Variants in PHLPP1 observed in about 807,000 individuals in gnomAD.
PHLPP1 encodes the protein PH domain leucine-rich repeat-containing protein phosphatase 1.
A neutral mutation model predicts 117.2 loss-of-function variants in PHLPP1; 42 were observed. That is an observed-to-expected ratio of 0.36 (90% CI 0.28 to 0.46). The LOEUF (loss-of-function observed/expected upper bound fraction) is 0.46. Among genes scored for constraint, PHLPP1 ranks in the 20% least tolerant of loss-of-function variants. The pLI, the probability that PHLPP1 is intolerant of heterozygous loss-of-function variation, is 1.00. For synonymous variants in PHLPP1, 1,042 were observed against 970.7 expected (o/e 1.07, Z -1.37); for missense variants, 2,084 against 2,241.9 (o/e 0.93, Z 1.42).
chr18:62,844,543 C>T (rs1286402253), intron 3 of PHLPP1, among the ~76,000 whole-genome samples: 1 of 152,140 alleles, frequency 6.6e-6, no homozygotes, highest in Non-Finnish European at 1.5e-5. Flanking sequence ...ATCTCCTGGC[C>T]AGTGGGCTAT....
intron 4 of PHLPP1, among the ~76,000 whole-genome samples, chr18:62,875,869 A>C (rs1277570458): frequency 6.6e-6 from 1 of 151,910 alleles, no homozygotes; most frequent in African/African-American, 2.4e-5. Context: ...AGTAGCTGGG[A>C]TTACAGGTGC....
chr18:62,864,037 T>C (rs1915704177), intron 4 of PHLPP1, among the ~76,000 whole-genome samples: 1 of 152,154 alleles, frequency 6.6e-6, no homozygotes, highest in African/African-American at 2.4e-5. Context: ...ATTTATTTTT[T>C]TGAGACAGAG....
At chr18:62,822,528 C>T (rs1053585491) in intron 1 of PHLPP1, among the ~76,000 whole-genome samples, 2 of 151,958 alleles carry the variant, frequency 1.3e-5, no homozygotes, top group African/African-American at 2.4e-5. Flanking sequence ...TCATGATCCG[C>T]CCGCCTCGGA....
At chr18:62,967,623 A>G (rs1910939900) in intron 14 of PHLPP1, among the ~76,000 whole-genome samples, 1 of 152,022 alleles carries the variant, frequency 6.6e-6, no homozygotes, top group Admixed American at 6.6e-5. Flanking sequence ...TAGTTTGCTA[A>G]GATTTTATAA....
At chr18:62,912,950 G>T (rs777117171) in intron 8 of PHLPP1, among the ~76,000 whole-genome samples, 1 of 152,178 alleles carries the variant, frequency 6.6e-6, no homozygotes, top group Non-Finnish European at 1.5e-5. Context: ...TAGTCATAGA[G>T]TTAAACTACT....
chr18:62,876,487 T>G (rs1401928684), intron 4 of PHLPP1, among the ~76,000 whole-genome samples: 1 of 152,220 alleles, frequency 6.6e-6, no homozygotes, highest in Non-Finnish European at 1.5e-5. Context: ...ATCAATCCTT[T>G]TATAGTAAGC....
intron 1 of PHLPP1, among the ~76,000 whole-genome samples, chr18:62,749,786 C>CG (rs2122084793): frequency 6.6e-6 from 1 of 152,270 alleles, no homozygotes; most frequent in African/African-American, 2.4e-5. Context: ...GAAGCCGAAG[C>CG]GGGTGGGTCA....
chr18:62,868,250 C>T (rs1017153362), intron 4 of PHLPP1, among the ~76,000 whole-genome samples: 3 of 152,046 alleles, frequency 2.0e-5, no homozygotes, highest in Admixed American at 6.6e-5. Flanking sequence ...CAGATTATAC[C>T]GTCATCCTTT....
At chr18:62,828,124 G>C (rs1914659841) in intron 1 of PHLPP1, among the ~76,000 whole-genome samples, 1 of 151,784 alleles carries the variant, frequency 6.6e-6, no homozygotes, top group South Asian at 2.1e-4. Flanking sequence ...ATTGTCCATT[G>C]TTTTTAGTCC....
chr18:62,941,519 A>G (rs1316040474), intron 10 of PHLPP1, among the ~76,000 whole-genome samples, 199 bp from the exon 11 acceptor site: 2 of 152,196 alleles, frequency 1.3e-5, no homozygotes, highest in East Asian at 1.9e-4. Context: ...TTTAATACAT[A>G]TAGATAGCTA....
intron 3 of PHLPP1, among the ~76,000 whole-genome samples, chr18:62,844,736 T>TAG (rs1247726078): frequency 6.6e-6 from 1 of 152,192 alleles, no homozygotes; most frequent in Non-Finnish European, 1.5e-5. Context: ...AGATAAAGAT[T>TAG]AGAGGGTTGA....
At chr18:62,850,358 C>T (rs1304863572) in intron 3 of PHLPP1, among the ~76,000 whole-genome samples, 5 of 105,262 alleles carry the variant, frequency 4.8e-5, no homozygotes, top group African/African-American at 7.5e-5. Context: ...ACTGCAATCC[C>T]GGATGGTGAT....
intron 10 of PHLPP1, among the ~76,000 whole-genome samples, chr18:62,931,555 C>G (rs1909807426): frequency 6.8e-6 from 1 of 147,536 alleles, no homozygotes; most frequent in South Asian, 2.2e-4. Context: ...AAAGTTGGTT[C>G]TTTGAAAGGA....
intron 1 of PHLPP1, among the ~76,000 whole-genome samples, chr18:62,719,703 G>A (rs1271713952): frequency 6.6e-6 from 1 of 152,106 alleles, no homozygotes; most frequent in African/African-American, 2.4e-5. Flanking sequence ...ATTTATTGCT[G>A]CATGTTGTTT....
chr18:62,846,219 A>C (rs1915179647), intron 3 of PHLPP1, among the ~76,000 whole-genome samples: 1 of 151,644 alleles, frequency 6.6e-6, no homozygotes, highest in African/African-American at 2.4e-5. Context: ...CAAAAAAAAA[A>C]AAAAAAAAAA....
At chr18:62,976,071 C>A (rs1181838068) in intron 16 of PHLPP1, among the ~76,000 whole-genome samples, 2 of 152,180 alleles carry the variant, frequency 1.3e-5, no homozygotes, top group South Asian at 2.1e-4. Context: ...AAACTATGAA[C>A]GTCTATGTAA....
chr18:62,979,388 A>G lies in PHLPP1; in HGVS notation c.5111A>G (p.Tyr1704Cys). 1 of 1,551,040 alleles carries G rather than the reference A, an allele frequency of 6.4e-7. No individual in the cohort carries two copies. Among genetic ancestry groups the G allele is most frequent in the Non-Finnish European group, 8.7e-7 (1 of 1,146,476 alleles). ...PQLQPQLPRH[Y>C]QLDQLPDYYD... ...CTCCAGCCGCAGCTGCCGCGGCACT[A>G]CCAGCTGGACCAGCTGCCAGATTAT... is the stretch of plus-strand genomic sequence containing the variant. The change falls in exon 17 of 17, where the codon TAC (tyrosine) becomes TGC (cysteine). Residue 1704 changes from tyrosine (Y) to cysteine (C), a missense_variant. Coordinates refer to ENST00000262719, the MANE Select transcript of PHLPP1 (RefSeq NM_194449.4).
chr18:62,771,276 A>T (rs891619758), intron 1 of PHLPP1, among the ~76,000 whole-genome samples: 16 of 151,996 alleles, frequency 1.1e-4, no homozygotes, highest in African/African-American at 3.9e-4. Flanking sequence ...GGATCATCTG[A>T]GGTGGTTTGG....
At chr18:62,754,340 A>G (rs183604390) in intron 1 of PHLPP1, among the ~76,000 whole-genome samples, 2 of 152,328 alleles carry the variant, frequency 1.3e-5, no homozygotes, top group East Asian at 3.9e-4. Context: ...GTGCACAGGA[A>G]TCTGTGCAGG....
Sources: allele counts gnomAD v4.1 joint callset (sites outside exome capture counted in the v4.1 genomes callset), GRCh38; gene constraint gnomAD v4.1.1; transcripts MANE v1.5; gene names NCBI Gene and HGNC (gene_info 2026-07-23, HGNC 2026-07-21).